The following STPG2 variants were observed in gnomAD, a reference collection of about 807,000 sequenced individuals.
STPG2 encodes sperm tail PG-rich repeat containing 2, also known as sperm-tail PG-rich repeat-containing protein 2.
In STPG2, 56 loss-of-function variants were observed where a neutral mutation model predicts 54.2. That is an observed-to-expected ratio of 1.03 (90% CI 0.83 to 1.29). The LOEUF (loss-of-function observed/expected upper bound fraction) is 1.29. Ranked by LOEUF, STPG2 falls within the 50% of genes most tolerant of loss-of-function variation. STPG2 has a pLI of 0.00. For synonymous variants in STPG2, 200 were observed against 181.8 expected, an observed-to-expected ratio of 1.10 and a Z score of -0.81; for missense variants, 596 against 544.9, an observed-to-expected ratio of 1.09 and a Z score of -0.93.
intron 8 of STPG2, among the ~76,000 whole-genome samples, chr4:97,909,079 G>T (rs1340770504): frequency 3.3e-5 from 5 of 149,852 alleles, no homozygotes; most frequent in Non-Finnish European, 7.4e-5. Context: ...AACCCATCAA[G>T]CCCCAATAAA....
chr4:97,653,786 T>C (rs542562065), intron 10 of STPG2, among the ~76,000 whole-genome samples: 2 of 152,196 alleles, frequency 1.3e-5, no homozygotes, highest in African/African-American at 2.4e-5. Context: ...AGAATTCACA[T>C]GTGAGTAATT....
At chr4:97,673,026 G>A (rs1178462885) in intron 10 of STPG2, among the ~76,000 whole-genome samples, 1 of 152,224 alleles carries the variant, frequency 6.6e-6, no homozygotes, top group African/African-American at 2.4e-5. Context: ...ATGTCTGAGA[G>A]AAAGGTACAT....
intron 2 of STPG2, among the ~76,000 whole-genome samples, chr4:98,129,701 A>C (rs1170614982): frequency 1.3e-5 from 2 of 152,230 alleles, no homozygotes; most frequent in Non-Finnish European, 2.9e-5. Context: ...ATCAAATAAA[A>C]GTACTGGCAT....
intron 9 of STPG2, among the ~76,000 whole-genome samples, chr4:97,824,286 C>T (rs1339360078): frequency 6.6e-6 from 1 of 152,076 alleles, no homozygotes; most frequent in Non-Finnish European, 1.5e-5. Flanking sequence ...TTCTCCCTTT[C>T]CCTTCCTTTC....
At chr4:97,793,406 G>C (rs1004251162) in intron 9 of STPG2, among the ~76,000 whole-genome samples, 16 of 149,286 alleles carry the variant, frequency 1.1e-4, no homozygotes, top group African/African-American at 3.7e-4. Context: ...CACACACAGA[G>C]AAATAGCATA....
intron 10 of STPG2, among the ~76,000 whole-genome samples, chr4:97,625,206 T>A (rs1734109561): frequency 6.6e-6 from 1 of 152,216 alleles, no homozygotes; most frequent in African/African-American, 2.4e-5. Context: ...AGCTTTATGT[T>A]TTTCAATACG....
intron 4 of STPG2, among the ~76,000 whole-genome samples, chr4:97,513,058 A>G (rs1226160371): frequency 1.3e-5 from 2 of 152,110 alleles, no homozygotes; most frequent in Admixed American, 6.6e-5. Flanking sequence ...TTGACTAGCT[A>G]TCAATTAGGG....
intron 9 of STPG2, among the ~76,000 whole-genome samples, chr4:97,740,072 T>C (rs1406711821): frequency 1.3e-5 from 2 of 152,112 alleles, no homozygotes; most frequent in South Asian, 2.1e-4. Flanking sequence ...CACAAATCAA[T>C]AAATGTAATC....
chr4:97,670,051 T>A (rs9994066), intron 10 of STPG2, among the ~76,000 whole-genome samples: 85,854 of 151,722 alleles, frequency 0.57, 24,397 homozygotes, highest in South Asian at 0.66. Flanking sequence ...TATCCTTTTT[T>A]AAAAAAATTG....
chr4:97,735,356 T>C (rs1043928295), intron 9 of STPG2, among the ~76,000 whole-genome samples: 5 of 151,344 alleles, frequency 3.3e-5, no homozygotes, highest in Non-Finnish European at 7.4e-5. Flanking sequence ...GCTATGAGTA[T>C]GCAAAGTCAA....
At chr4:98,004,468 T>C (rs1192511446) in intron 5 of STPG2, among the ~76,000 whole-genome samples, 1 of 152,204 alleles carries the variant, frequency 6.6e-6, no homozygotes, top group East Asian at 1.9e-4. Context: ...AGATATGTCT[T>C]CAACATACTG....
intron 5 of STPG2, among the ~76,000 whole-genome samples, chr4:98,046,460 G>T (rs965748329): frequency 1.3e-5 from 2 of 152,126 alleles, no homozygotes; most frequent in Admixed American, 6.5e-5. Flanking sequence ...GACTGGCCAT[G>T]TGTAGGAGAT....
At chr4:97,816,759 TTTC>T (rs1036055941) in intron 9 of STPG2, among the ~76,000 whole-genome samples, 5 of 151,414 alleles carry the variant, frequency 3.3e-5, no homozygotes, top group Admixed American at 6.6e-5. Flanking sequence ...TTTCTTTCTT[TTTC>T]TTTTCTTTTC....
chr4:97,963,145 C>A (rs774201690), intron 7 of STPG2, among the ~76,000 whole-genome samples: 4 of 149,636 alleles, frequency 2.7e-5, no homozygotes, highest in African/African-American at 5.0e-5. Context: ...GGCAACAGAG[C>A]AACACTCCAT....
At chr4:98,069,285 GT>G (rs1243950097) in intron 5 of STPG2, among the ~76,000 whole-genome samples, 1 of 136,546 alleles carries the variant, frequency 7.3e-6, no homozygotes, top group African/African-American at 2.8e-5. Context: ...TTGTTTTTAA[GT>G]TTTTTTAGAC....
At chr4:98,018,708 T>C (rs1226628921) in intron 5 of STPG2, among the ~76,000 whole-genome samples, 2 of 151,554 alleles carry the variant, frequency 1.3e-5, no homozygotes, top group Non-Finnish European at 2.9e-5. Context: ...ATGACTGCCA[T>C]TCTAAATGGT....
At chr4:97,707,805 A>G (rs1723996705) in intron 10 of STPG2, among the ~76,000 whole-genome samples, 1 of 152,202 alleles carries the variant, frequency 6.6e-6, no homozygotes, top group African/African-American at 2.4e-5. Flanking sequence ...AATCGAAGAC[A>G]AAAATAAAAA....
At chr4:97,766,612 TA>T (rs1578546250) in intron 9 of STPG2, among the ~76,000 whole-genome samples, 1 of 152,066 alleles carries the variant, frequency 6.6e-6, no homozygotes, top group Non-Finnish European at 1.5e-5. Flanking sequence ...ATAGGATTTG[TA>T]AAACTAAAGA....
chr4:97,822,416 G>A (rs1728121230), intron 9 of STPG2, among the ~76,000 whole-genome samples: 2 of 152,098 alleles, frequency 1.3e-5, no homozygotes. Context: ...CTTCTTCTAA[G>A]CCCTCCAAAC....
Sources: gnomAD v4.1 joint callset for allele counts (sites outside exome capture counted in the v4.1 genomes callset) on GRCh38, gnomAD v4.1.1 for gene constraint, MANE v1.5 for transcripts, NCBI Gene and HGNC (gene_info 2026-07-23, HGNC 2026-07-21) for gene names.